The following CACNA1S variants were observed in gnomAD, a reference collection of about 807,000 sequenced individuals.
The protein encoded by CACNA1S is calcium voltage-gated channel subunit alpha1 S.
A neutral mutation model predicts 207.4 loss-of-function variants in CACNA1S; 126 were observed. The ratio of observed to expected loss-of-function variants is 0.61; its 90% CI spans 0.53 to 0.70. The LOEUF (loss-of-function observed/expected upper bound fraction) is 0.70, where lower values mean the gene tolerates loss of function less well. CACNA1S is among the 30% of genes least tolerant of loss of function. The pLI is 0.00. For missense variants in CACNA1S, 2,349 were observed against 2,422.8 expected, an observed-to-expected ratio of 0.97 and a Z score of 0.64; for synonymous variants, 960 against 932.7, an observed-to-expected ratio of 1.03 and a Z score of -0.53.
At chr1:201,082,170 G>A (rs993257138) in intron 10 of CACNA1S, among the ~76,000 whole-genome samples, 19 of 151,634 alleles carry the variant, frequency 1.3e-4, no homozygotes, top group Admixed American at 2.6e-4. Context: ...CTGGGACTAC[G>A]GGTGCATGCC....
chr1:201,073,435 C>T (rs1484891199), intron 15 of CACNA1S, 114 bp downstream of exon 15: 3 of 868,758 alleles, frequency 3.5e-6, no homozygotes, highest in Non-Finnish European at 3.9e-6. Flanking sequence ...CCTCACCTGG[C>T]TGATAACTCT....
intron 6 of CACNA1S, 75 bp from the exon 7 acceptor site, chr1:201,088,004 C>T (rs1359446701): frequency 3.1e-6 from 3 of 956,472 alleles, no homozygotes; most frequent in Non-Finnish European, 5.0e-6. Context: ...ATTAAGACTC[C>T]ACCCAACCCT....
chr1:201,091,594 C>A, intron 5 of CACNA1S, 46 bp downstream of exon 5: 2 of 1,611,772 alleles, frequency 1.2e-6, no homozygotes, highest in Non-Finnish European at 1.7e-6. Flanking sequence ...CCCTTCTGAG[C>A]CATCCTAGGC....
At chr1:201,044,716 G>T (rs558242374) in intron 38 of CACNA1S, among the ~76,000 whole-genome samples, 1 of 152,232 alleles carries the variant, frequency 6.6e-6, no homozygotes, top group African/African-American at 2.4e-5. Flanking sequence ...TCACCATGTT[G>T]GCTAGGCTGG....
At chr1:201,058,248 A>G (rs993298571) in intron 28 of CACNA1S, among the ~76,000 whole-genome samples, 160 bp downstream of exon 28, 4 of 152,162 alleles carry the variant, frequency 2.6e-5, no homozygotes, top group Admixed American at 1.3e-4. Flanking sequence ...GCCCAGCAGG[A>G]TGATAGTTCC....
intron 2 of CACNA1S, 60 bp from the exon 3 acceptor site, chr1:201,094,081 C>A: frequency 6.2e-7 from 1 of 1,609,146 alleles, no homozygotes; most frequent in South Asian, 1.1e-5. Flanking sequence ...CCCTTGCTCT[C>A]TTCCCTGCAG....
chr1:201,076,795 A>G, intron 12 of CACNA1S, 125 bp downstream of exon 12: 1 of 879,816 alleles, frequency 1.1e-6, no homozygotes. Context: ...AGAGAAGGAC[A>G]TTGCACTCAA....
In CACNA1S at chr1:201,059,338, G is replaced by C. The variant is rs73075033; in HGVS notation, c.3415-39C>G. 2.9e-6 allele frequency: 4 copies of C among 1,380,840 alleles called. No homozygotes were observed. In the Middle Eastern group the frequency reaches 7.9e-4, roughly 272 times the overall value. 85.5% of individuals were successfully genotyped at this position (1,380,840 alleles called of 1,614,324 possible). A position where few individuals can be genotyped will look rare whatever the true frequency, so the allele number is the denominator to read the frequency against. ...ACAGGAGCAGTGGGTCAGGGGGGCC[G>C]GGTTTGCCCACCCTGTAGATTGCAT... On this transcript the variant is annotated intron_variant, in intron 26 of 43. Transcript: ENST00000362061.
At chr1:201,081,497 C>T (rs996354268) in intron 10 of CACNA1S, among the ~76,000 whole-genome samples, 1 of 152,334 alleles carries the variant, frequency 6.6e-6, no homozygotes, top group African/African-American at 2.4e-5. Context: ...GTGGACGAGG[C>T]CGACTCACTG....
At chr1:201,102,728 G>A (rs1662725422) in intron 2 of CACNA1S, among the ~76,000 whole-genome samples, 1 of 152,202 alleles carries the variant, frequency 6.6e-6, no homozygotes, top group Admixed American at 6.5e-5. Flanking sequence ...GCTACCAAGA[G>A]GCAGAGCCAT....
At chr1:201,046,737 T>C (rs903401871) in intron 38 of CACNA1S, among the ~76,000 whole-genome samples, 1 of 152,014 alleles carries the variant, frequency 6.6e-6, no homozygotes, top group African/African-American at 2.4e-5. Flanking sequence ...TTTCGCCGTG[T>C]TGGCCAGGCT....
chr1:201,099,168 G>A (rs1036929014), intron 2 of CACNA1S, among the ~76,000 whole-genome samples: 3 of 152,302 alleles, frequency 2.0e-5, no homozygotes, highest in South Asian at 4.1e-4. Flanking sequence ...GAGCTGGTTG[G>A]GTTTTCCTCC....
In CACNA1S at chr1:201,078,162, G is replaced by A. The variant is rs1337105522; in HGVS notation, c.1394-58C>T. ...TCTCCTTCCCTTCTCCTGACTCCCA[G>A]CCTTGGCTGTGGCTGGGCCTCAACC... On this transcript the variant is annotated intron_variant, in intron 10 of 43. Transcript: ENST00000362061. 5.0e-6 allele frequency: 7 copies of A among 1,396,768 alleles called. No homozygotes were observed. The East Asian group carries it at 1.6e-4, about 32-fold the overall frequency. 86.5% of individuals were successfully genotyped at this position (1,396,768 alleles called of 1,614,324 possible).
chr1:201,077,161 C>T, intron 11 of CACNA1S, 34 bp from the exon 12 acceptor site: 1 of 1,574,412 alleles, frequency 6.4e-7, no homozygotes. Flanking sequence ...TGGGAGGAGA[C>T]AGACCCTCTC....
intron 38 of CACNA1S, among the ~76,000 whole-genome samples, chr1:201,046,005 TG>T (rs2102551474): frequency 6.6e-6 from 1 of 152,186 alleles, no homozygotes; most frequent in East Asian, 1.9e-4. Context: ...AAATAGCCAT[TG>T]AAATAAATTT....
chr1:201,043,222 C>G, intron 40 of CACNA1S, 59 bp downstream of exon 40: 1 of 1,611,906 alleles, frequency 6.2e-7, no homozygotes, highest in Non-Finnish European at 8.5e-7. Context: ...CAACCTGGAA[C>G]CTGCTGACAT....
chr1:201,039,670 C>A lies in CACNA1S; in HGVS notation c.*161G>T. 1.2e-6 allele frequency: 1 copy of A among 861,350 alleles called. No individual in the cohort carries two copies. Among genetic ancestry groups the A allele is most frequent in the Admixed American group, 2.2e-5 (1 of 46,428 alleles). The allele number at this position is 861,350 out of a possible 1,614,324, so 53.4% of individuals were successfully genotyped here. A position where few individuals can be genotyped will look rare whatever the true frequency, so the allele number is the denominator to read the frequency against. ...AGGGCCTGTCCAGCTACTTCCTCCG[C>A]ACTTTTTGAGGTGGTTCCTGACCAC... On this transcript the variant is annotated 3_prime_UTR_variant, in exon 44 of 44. Transcript: ENST00000362061.
intron 2 of CACNA1S, among the ~76,000 whole-genome samples, chr1:201,098,030 A>G (rs907931851): frequency 4.6e-5 from 7 of 152,030 alleles, no homozygotes; most frequent in Non-Finnish European, 1.0e-4. Context: ...CCAACTGTCT[A>G]TCTTCTTAGC....
At chr1:201,085,622 G>T in intron 7 of CACNA1S, 41 bp from the exon 8 acceptor site, 3 of 1,611,134 alleles carry the variant, frequency 1.9e-6, no homozygotes, top group Non-Finnish European at 2.5e-6. Flanking sequence ...GGAGAAGAGG[G>T]AACAGTGTCA....
Sources: gnomAD v4.1 joint callset for allele counts (sites outside exome capture counted in the v4.1 genomes callset) on GRCh38, gnomAD v4.1.1 for gene constraint, MANE v1.5 for transcripts, NCBI Gene and HGNC (gene_info 2026-07-23, HGNC 2026-07-21) for gene names.